ARHGEF3: variants seen among roughly 807,000 people sequenced by gnomAD.
ARHGEF3 encodes Rho guanine nucleotide exchange factor 3.
In ARHGEF3, 28 loss-of-function variants were observed where a neutral mutation model predicts 63.2. The ratio of observed to expected loss-of-function variants is 0.44; its 90% CI spans 0.33 to 0.61. ARHGEF3 has a LOEUF of 0.61. Among genes scored for constraint, ARHGEF3 ranks in the 20% least tolerant of loss-of-function variants. The probability of loss-of-function intolerance (pLI) is 0.03; values close to 1 mark genes in which losing one functional copy is unlikely to be tolerated. For missense variants in ARHGEF3, 533 were observed against 659.3 expected (o/e 0.81, Z 2.10); for synonymous variants, 266 against 254.2 (o/e 1.05, Z -0.44).
chr3:56,988,621 G>C (rs895189610), intron 2 of ARHGEF3, among the ~76,000 whole-genome samples: 1 of 152,192 alleles, frequency 6.6e-6, no homozygotes, highest in Non-Finnish European at 1.5e-5. Flanking sequence ...ACAGTGCCCT[G>C]CATGTCCCAG....
intron 1 of ARHGEF3, among the ~76,000 whole-genome samples, chr3:56,790,643 C>T (rs1184814654): frequency 1.3e-5 from 2 of 152,160 alleles, no homozygotes; most frequent in Non-Finnish European, 2.9e-5. Context: ...TGCCTGGGGT[C>T]GTTCTTGAAA....
At chr3:57,005,615 G>A (rs778387684) in intron 2 of ARHGEF3, among the ~76,000 whole-genome samples, 8 of 152,120 alleles carry the variant, frequency 5.3e-5, no homozygotes, top group Non-Finnish European at 1.2e-4. Flanking sequence ...GCTCCCTATC[G>A]GGAGGGGTTC....
chr3:56,921,236 GTT>G (rs2042133132), intron 3 of ARHGEF3, among the ~76,000 whole-genome samples: 1 of 151,016 alleles, frequency 6.6e-6, no homozygotes, highest in South Asian at 2.1e-4. Context: ...AAAAAAAAAG[GTT>G]GGAAAAAATC....
At chr3:56,796,589 T>C (rs774527195) in intron 1 of ARHGEF3, among the ~76,000 whole-genome samples, 1 of 152,114 alleles carries the variant, frequency 6.6e-6, no homozygotes. Flanking sequence ...TGACTAATGG[T>C]GGGGTTTCCT....
At chr3:57,011,098 A>G (rs1702681109) in intron 2 of ARHGEF3, among the ~76,000 whole-genome samples, 1 of 152,178 alleles carries the variant, frequency 6.6e-6, no homozygotes, top group African/African-American at 2.4e-5. Flanking sequence ...TGTAGGAGCT[A>G]TGATGAACAT....
intron 2 of ARHGEF3, among the ~76,000 whole-genome samples, chr3:57,018,428 CTCTA>C (rs1208270917): frequency 1.3e-5 from 2 of 152,094 alleles, no homozygotes; most frequent in African/African-American, 2.4e-5. Context: ...CTCAGAACTA[CTCTA>C]TAAGGTAGGT....
chr3:56,911,816 T>C (rs2041858911), intron 3 of ARHGEF3, among the ~76,000 whole-genome samples: 1 of 152,022 alleles, frequency 6.6e-6, no homozygotes, highest in African/African-American at 2.4e-5. Flanking sequence ...CACTAAGGTC[T>C]GAGCTACTCC....
chr3:56,756,808 C>T (rs941288551), intron 2 of ARHGEF3, among the ~76,000 whole-genome samples: 13 of 152,090 alleles, frequency 8.5e-5, no homozygotes, highest in African/African-American at 2.4e-4. Context: ...CTCGGCCTCC[C>T]GAAGTGCTGG....
intron 2 of ARHGEF3, among the ~76,000 whole-genome samples, chr3:56,969,445 C>G (rs1273153478): frequency 1.3e-5 from 2 of 152,172 alleles, no homozygotes; most frequent in Admixed American, 1.3e-4. Flanking sequence ...ATGTGTCTGG[C>G]ACATGGCTGG....
intron 2 of ARHGEF3, among the ~76,000 whole-genome samples, chr3:57,013,055 C>G (rs1268457193): frequency 1.3e-5 from 2 of 152,196 alleles, no homozygotes; most frequent in African/African-American, 4.8e-5. Flanking sequence ...TGCCGGCCGG[C>G]CTGCCTGCGC....
At chr3:56,960,190 C>T (rs1700219590) in intron 2 of ARHGEF3, among the ~76,000 whole-genome samples, 1 of 152,154 alleles carries the variant, frequency 6.6e-6, no homozygotes, top group Non-Finnish European at 1.5e-5. Context: ...CTAACCAATA[C>T]TGAGCACTTT....
At chr3:56,742,617 C>T (rs772745549) in intron 7 of ARHGEF3, among the ~76,000 whole-genome samples, 4 of 151,898 alleles carry the variant, frequency 2.6e-5, no homozygotes, top group African/African-American at 9.7e-5. Context: ...GAGTACAGGG[C>T]TAAATAATTC....
At chr3:56,876,871 G>A (rs1042227494) in intron 4 of ARHGEF3, among the ~76,000 whole-genome samples, 3 of 152,220 alleles carry the variant, frequency 2.0e-5, no homozygotes, top group Non-Finnish European at 4.4e-5. Context: ...TTCCTAAAGG[G>A]TGGCAGGATG....
chr3:56,959,699 C>T (rs912395571), intron 2 of ARHGEF3, among the ~76,000 whole-genome samples: 9 of 152,176 alleles, frequency 5.9e-5, no homozygotes, highest in Admixed American at 1.3e-4. Flanking sequence ...AAAGGCTGGC[C>T]AGGTGCGGTG....
intron 2 of ARHGEF3, among the ~76,000 whole-genome samples, chr3:56,969,009 G>T (rs76393360): frequency 6.6e-6 from 1 of 152,188 alleles, no homozygotes; most frequent in Non-Finnish European, 1.5e-5. Context: ...TAAAAACGAC[G>T]CATTCTCCAA....
rs371520215 is a variant in ARHGEF3 at position 56,801,766 on chromosome 3, C to A, written c.33G>T (p.Thr11=). The stretch of plus-strand genomic sequence containing the variant: ...CCAGGCTGCAGTTCGCTCTCTTGAC[C>A]GTGAGGTAGAAGGGGTAATCCTTGG... MVAKDYPFYL[T]VKRANCSLEL... is the part of the protein sequence containing the mutation. The change falls in exon 1 of 10, where the codon ACG becomes ACT. Residue 11 remains threonine, a synonymous_variant. Transcript: ENST00000296315. 4.3e-5 allele frequency: 67 copies of A among 1,568,984 alleles called. No homozygotes were observed. Among genetic ancestry groups the A allele is most frequent in the Non-Finnish European group, 5.3e-5 (61 of 1,155,674 alleles).
At chr3:56,854,151 C>A (rs150856425) in intron 4 of ARHGEF3, among the ~76,000 whole-genome samples, 122 of 151,996 alleles carry the variant, frequency 8.0e-4, no homozygotes, top group African/African-American at 2.9e-3. Flanking sequence ...GCCGAGATGG[C>A]GCCACTGCAC....
chr3:57,019,899 T>C (rs1302246655), intron 2 of ARHGEF3, among the ~76,000 whole-genome samples: 7 of 152,068 alleles, frequency 4.6e-5, no homozygotes, highest in Non-Finnish European at 1.5e-5. Context: ...ATTTTCATGA[T>C]TGATTGATTT....
chr3:57,030,331 G>A (rs1301506883), intron 2 of ARHGEF3, among the ~76,000 whole-genome samples: 2 of 152,222 alleles, frequency 1.3e-5, no homozygotes, highest in African/African-American at 4.8e-5. Flanking sequence ...ACATACGGAA[G>A]AGGTGAGCAA....
Sources: gnomAD v4.1 joint callset for allele counts (sites outside exome capture counted in the v4.1 genomes callset) on GRCh38, gnomAD v4.1.1 for gene constraint, MANE v1.5 for transcripts, NCBI Gene and HGNC (gene_info 2026-07-23, HGNC 2026-07-21) for gene names.